The following MYLK3 variants were observed in gnomAD, a reference collection of about 807,000 sequenced individuals.
MYLK3 encodes myosin light chain kinase 3.
MYLK3 carries 55 observed loss-of-function variants against 76.3 expected under a neutral mutation model. The ratio of observed to expected loss-of-function variants is 0.72; its 90% confidence interval spans 0.58 to 0.90. The LOEUF (loss-of-function observed/expected upper bound fraction) is 0.90, where lower values mean the gene tolerates loss of function less well. MYLK3 is among the 40% of genes least tolerant of loss of function. The pLI, the probability that MYLK3 is intolerant of heterozygous loss-of-function variation, is 0.00. For synonymous variants in MYLK3, 416 were observed against 425.4 expected (o/e 0.98, Z 0.27); for missense variants, 973 against 1,053.6 (o/e 0.92, Z 1.06).
At chr16:46,754,272 A>T (rs559263385) in intron 1 of MYLK3, among the ~76,000 whole-genome samples, 32 of 152,080 alleles carry the variant, frequency 2.1e-4, no homozygotes, top group Admixed American at 3.3e-4. Flanking sequence ...TTTAGAACAC[A>T]GGGATAAAGA....
rs766600239 is a variant in MYLK3 at position 46,745,015 on chromosome 16, G to GA, written c.477+2701dup. On this transcript the variant is annotated intron_variant, in intron 1 of 12. Transcript: ENST00000394809. The stretch of plus-strand genomic sequence containing the variant: ...AAGGGGGAAGTGGGTGGGGAAAAGA[G>GA]AAAAAAAAAAACATGCACAATAATT... 6.1e-3 allele frequency among the ~76,000 whole-genome samples: 879 copies of GA among 143,460 alleles called. 1 individual carries two copies. Among genetic ancestry groups the GA allele is most frequent in the Non-Finnish European group, 8.6e-3 (560 of 65,158 alleles). 94.1% of individuals were successfully genotyped at this position (143,460 alleles called of 152,430 possible). A position where few individuals can be genotyped will look rare whatever the true frequency, so the allele number is the denominator to read the frequency against.
intron 1 of MYLK3, among the ~76,000 whole-genome samples, chr16:46,759,588 C>G (rs776456058): frequency 3.9e-5 from 6 of 151,996 alleles, no homozygotes; most frequent in Non-Finnish European, 8.8e-5. Context: ...AGTGTCACTG[C>G]AGCTTTCTTT....
upstream of MYLK3, among the ~76,000 whole-genome samples, chr16:46,748,759 T>G (rs577986748): frequency 6.6e-6 from 1 of 152,308 alleles, no homozygotes; most frequent in Admixed American, 6.5e-5. The surrounding 1 kb of genome is among the most constrained non-coding windows in gnomAD (Gnocchi z 4.3). Context: ...TGATGAAAAT[T>G]TTGATGCTTC....
At chr16:46,716,981 G>GTTTA (rs1364570069) in intron 9 of MYLK3, among the ~76,000 whole-genome samples, 1 of 152,156 alleles carries the variant, frequency 6.6e-6, no homozygotes, top group Non-Finnish European at 1.5e-5. Context: ...CTCTTCACCT[G>GTTTA]TATTCTTTGT....
chr16:46,757,446 C>T (rs766801996), intron 1 of MYLK3: 191 of 985,340 alleles, frequency 1.9e-4, no homozygotes, highest in Non-Finnish European at 2.2e-4. Flanking sequence ...TGTAACCCGA[C>T]GCCCGCTGCT....
At chr16:46,752,283 T>G (rs897266172), upstream of MYLK3, among the ~76,000 whole-genome samples, 1 of 152,138 alleles carries the variant, frequency 6.6e-6, no homozygotes, top group South Asian at 2.1e-4. Context: ...TTGCCCAGGC[T>G]GGAGTGCAAT....
upstream of MYLK3, among the ~76,000 whole-genome samples, chr16:46,752,389 C>A (rs1449064666): frequency 2.6e-5 from 4 of 152,156 alleles, no homozygotes; most frequent in Non-Finnish European, 5.9e-5. Flanking sequence ...TGCATGCCCC[C>A]ACACCCAGCT....
chr16:46,711,207 T>C (rs1156563459), intron 10 of MYLK3, among the ~76,000 whole-genome samples: 2 of 152,170 alleles, frequency 1.3e-5, no homozygotes, highest in African/African-American at 4.8e-5. Context: ...ATGGGCTTTA[T>C]TAGGTTCCCG....
At chr16:46,749,048 GA>G (rs1273189681), upstream of MYLK3, among the ~76,000 whole-genome samples, 1 of 152,204 alleles carries the variant, frequency 6.6e-6, no homozygotes, top group Non-Finnish European at 1.5e-5. Flanking sequence ...TTTCCATACT[GA>G]AACAGACTAG....
At chr16:46,730,510 C>A (rs1037727238) in intron 5 of MYLK3, 83 bp downstream of exon 5, 13 of 1,135,690 alleles carry the variant, frequency 1.1e-5, no homozygotes, top group Middle Eastern at 2.7e-4. Context: ...TCCTGCAGCA[C>A]CCACCCCAGT....
At chr16:46,718,178 G>C (rs914909949) in intron 9 of MYLK3, among the ~76,000 whole-genome samples, 1 of 152,172 alleles carries the variant, frequency 6.6e-6, no homozygotes, top group African/African-American at 2.4e-5. Context: ...AGTCAAAAAG[G>C]GCTCACTACA....
intron 4 of MYLK3, among the ~76,000 whole-genome samples, chr16:46,731,790 G>C (rs781729037): frequency 1.3e-5 from 2 of 152,086 alleles, no homozygotes. Flanking sequence ...GGCAGGTGGC[G>C]GTAAGAAATC....
At chr16:46,753,631 C>T (rs946984124) in intron 1 of MYLK3, among the ~76,000 whole-genome samples, 8 of 152,120 alleles carry the variant, frequency 5.3e-5, no homozygotes, top group East Asian at 1.9e-4. Flanking sequence ...TGTCATTTTG[C>T]GGGGTGAGGT....
chr16:46,753,478 C>A (rs1326788268), intron 1 of MYLK3, among the ~76,000 whole-genome samples: 1 of 152,172 alleles, frequency 6.6e-6, no homozygotes, highest in Non-Finnish European at 1.5e-5. Context: ...TTAGTACCTT[C>A]TTCAGAAATA....
Position 46,712,780 on chromosome 16 carries a change from G to A in MYLK3, c.1986-4C>T. 1.3e-6 allele frequency: 2 copies of A among 1,584,648 alleles called. No homozygotes were observed. The highest frequency in any genetic ancestry group is 2.3e-5 in the South Asian group (2 of 86,356). On this transcript the variant is annotated splice_region_variant and splice_polypyrimidine_tract_variant and intron_variant, in intron 9 of 12. Coordinates refer to ENST00000394809, the MANE Select transcript of MYLK3 (RefSeq NM_182493.3). The stretch of plus-strand genomic sequence containing the variant: ...CAGCTTCTCTCGAGGCTTGTACCTG[G>A]GGAGAAGGGGAGGGTACAAAGAAGC...
At position 46,758,007 on chromosome 16, in the gene MYLK3, C is replaced by T. The variant is rs113682715; in HGVS notation, c.-114+5033G>A. Reference sequence around the variant, plus strand: ...TCAGTGGGGCTGCTTGTACCCTGGCCGGACCTGGTCAGTCACTTCTGTGCT... The same window carrying T: ...TCAGTGGGGCTGCTTGTACCCTGGCTGGACCTGGTCAGTCACTTCTGTGCT... On this transcript the variant is annotated intron_variant, in intron 1 of 11. Coordinates refer to the MYLK3 transcript ENST00000536476. Among the ~76,000 whole-genome samples, 523 of 152,182 alleles carry T rather than the reference C, an allele frequency of 3.4e-3. 5 individuals are homozygous for T. The highest frequency in any genetic ancestry group is 0.017 in the Middle Eastern group (5 of 294).
intron 1 of MYLK3, among the ~76,000 whole-genome samples, chr16:46,759,115 G>A (rs764862567): frequency 8.5e-5 from 13 of 152,224 alleles, no homozygotes; most frequent in Non-Finnish European, 1.3e-4. Flanking sequence ...TGGTGAGGGG[G>A]TGTCCCCACT....
chr16:46,752,085 G>A (rs114716800), upstream of MYLK3, among the ~76,000 whole-genome samples: 3 of 151,998 alleles, frequency 2.0e-5, no homozygotes, highest in East Asian at 1.9e-4. Flanking sequence ...ACAGGGCAGC[G>A]GATCCTCTCG....
intron 8 of MYLK3, chr16:46,726,240 A>G (rs1169221534): frequency 1.3e-5 from 2 of 152,150 alleles, no homozygotes; most frequent in East Asian, 1.9e-4. Context: ...TGCCAGTACC[A>G]TATACTACTC....
Sources: gnomAD v4.1 joint callset for allele counts (sites outside exome capture counted in the v4.1 genomes callset) on GRCh38, gnomAD v4.1.1 for gene constraint, Gnocchi (gnomAD v3.1) non-coding constraint, MANE v1.5 for transcripts, NCBI Gene and HGNC (gene_info 2026-07-23, HGNC 2026-07-21) for gene names.